NPHP3: variants seen among roughly 807,000 people sequenced by gnomAD.
NPHP3 encodes nephrocystin-3.
In NPHP3, 123 loss-of-function variants were observed where a neutral mutation model predicts 171.9. That is an observed-to-expected ratio of 0.72 (90% CI 0.62 to 0.83). The LOEUF (loss-of-function observed/expected upper bound fraction) is 0.83, where lower values mean the gene tolerates loss of function less well. Ranked by LOEUF, NPHP3 falls within the 40% of genes least tolerant of loss-of-function variation. The probability of loss-of-function intolerance (pLI) is 0.00; values close to 1 mark genes in which losing one functional copy is unlikely to be tolerated. For missense variants in NPHP3, 1,506 were observed against 1,591.9 expected, an observed-to-expected ratio of 0.95 and a Z score of 0.92; for synonymous variants, 558 against 579.2, an observed-to-expected ratio of 0.96 and a Z score of 0.52.
At chr3:132,702,506 T>C (rs1269165006) in intron 9 of NPHP3, among the ~76,000 whole-genome samples, 1 of 152,204 alleles carries the variant, frequency 6.6e-6, no homozygotes, top group East Asian at 1.9e-4. Flanking sequence ...CCAAAATATC[T>C]TAGTACTTAT....
chr3:132,697,076 A>C (rs1939473070), intron 14 of NPHP3, among the ~76,000 whole-genome samples, 184 bp downstream of exon 14: 1 of 152,234 alleles, frequency 6.6e-6, no homozygotes, highest in Admixed American at 6.5e-5. Flanking sequence ...CTTAAGACCA[A>C]AATCTTTTTA....
intron 6 of NPHP3, among the ~76,000 whole-genome samples, chr3:132,711,626 A>C (rs1161187732): frequency 2.0e-5 from 3 of 152,168 alleles, no homozygotes; most frequent in Non-Finnish European, 4.4e-5. Flanking sequence ...CTTTAATGTA[A>C]AGAAAAAACA....
chr3:132,687,066 G>A, intron 22 of NPHP3, 85 bp downstream of exon 22: 2 of 687,254 alleles, frequency 2.9e-6, no homozygotes, highest in Non-Finnish European at 2.6e-6. Flanking sequence ...AAAATCTAAA[G>A]CTCTTAAACA....
At position 132,688,688 on chromosome 3, in the gene NPHP3, T is replaced by C; in HGVS notation, c.3087A>G (p.Glu1029=). Residue 1029 remains glutamate (E), a synonymous_variant, in exon 21 of 27, where the codon GAA becomes GAG. Coordinates refer to ENST00000337331, the MANE Select transcript of NPHP3 (RefSeq NM_153240.5). The part of the protein sequence containing the change: ...YGADHPYTAR[E]LEALATLYQK... ...GGTACAAAGTTGCAAGTGCTTCAAG[T>C]TCACGAGCAGTATATGGATGGTCCG... The C allele has an allele frequency of 6.2e-7, 1 of 1,614,138 alleles. No individual in the cohort carries two copies. The highest frequency in any genetic ancestry group is 2.2e-5 in the East Asian group (1 of 44,886).
intron 17 of NPHP3, 118 bp from the exon 18 acceptor site, chr3:132,691,404 T>C (rs1393604411): frequency 2.7e-6 from 2 of 734,748 alleles, no homozygotes; most frequent in Non-Finnish European, 4.8e-6. Flanking sequence ...ATAATAGAAA[T>C]GTCACTTAAA....
chr3:132,687,798 TGATA>T (rs1939199694), intron 21 of NPHP3, among the ~76,000 whole-genome samples: 1 of 152,236 alleles, frequency 6.6e-6, no homozygotes, highest in South Asian at 2.1e-4. Flanking sequence ...ATTGGGTGCC[TGATA>T]GATAAGAAAG....
rs752267872 is a variant in NPHP3, at chr3:132,722,093, G to A, written c.263C>T (p.Ala88Val). 1.8e-5 allele frequency: 29 copies of A among 1,609,490 alleles called. No individual in the cohort carries two copies. The highest frequency in any genetic ancestry group is 2.5e-5 in the Non-Finnish European group (29 of 1,179,806). ...GSSVPELEYA[A>V]AEYERLRKEY... Reference sequence around the variant, plus strand: ...CTTCCTGAGCCGCTCGTACTCGGCCGCCGCGTACTCCAGCTCTGGCACCGA... The same window carrying A: ...CTTCCTGAGCCGCTCGTACTCGGCCACCGCGTACTCCAGCTCTGGCACCGA... Residue 88 changes from alanine to valine, a missense_variant, in exon 1 of 27, where the codon GCG becomes GTG. Coordinates refer to ENST00000337331, the MANE Select transcript of NPHP3 (RefSeq NM_153240.5).
At chr3:132,698,215 C>G (rs1157772755) in intron 13 of NPHP3, among the ~76,000 whole-genome samples, 4 of 151,526 alleles carry the variant, frequency 2.6e-5, no homozygotes, top group African/African-American at 9.7e-5. Flanking sequence ...TCCTGACCTC[C>G]CGATCCACCC....
intron 13 of NPHP3, among the ~76,000 whole-genome samples, chr3:132,697,898 G>A (rs1939497795): frequency 1.3e-5 from 2 of 151,916 alleles, no homozygotes; most frequent in South Asian, 4.2e-4. Context: ...CTTGGGGGAG[G>A]CAATTACAAA....
rs528853799 is a variant in NPHP3, at chr3:132,696,964, C to T, written c.2089-151G>A. The T allele has an allele frequency of 4.5e-4, 329 of 735,990 alleles. 6 individuals are homozygous for T. In the South Asian group the frequency reaches 4.6e-3, roughly 10 times the overall value. 45.6% of individuals were successfully genotyped at this position (735,990 alleles called of 1,614,324 possible). On this transcript the variant is annotated intron_variant, in intron 14 of 26. Coordinates refer to ENST00000337331, the MANE Select transcript of NPHP3 (RefSeq NM_153240.5). ...ATCACAACATGCAGTGGTGGCTCCT[C>T]GGCTGTGGGCAGCCTTCCAACTGCA...
intron 16 of NPHP3, chr3:132,693,701 A>C (rs1033435140): frequency 3.3e-5 from 5 of 152,136 alleles, no homozygotes; most frequent in African/African-American, 1.2e-4. Flanking sequence ...GTGAAACCCC[A>C]TCTCTACTAA....
chr3:132,717,894 A>T, intron 3 of NPHP3: 2 of 258,256 alleles, frequency 7.7e-6, no homozygotes, highest in South Asian at 7.1e-5. Context: ...AGTAGCTGGG[A>T]CTACAGGCAC....
chr3:132,694,502 T>G (rs1939394768), intron 16 of NPHP3, among the ~76,000 whole-genome samples: 1 of 152,010 alleles, frequency 6.6e-6, no homozygotes, highest in Non-Finnish European at 1.5e-5. Context: ...TTGCAAATTT[T>G]CTAATAAAGG....
intron 6 of NPHP3, 104 bp from the exon 7 acceptor site, chr3:132,708,361 T>A: frequency 8.6e-7 from 1 of 1,163,610 alleles, no homozygotes. Context: ...CAGTGACAAG[T>A]GGCCAGAAAA....
intron 16 of NPHP3, 86 bp from the exon 17 acceptor site, chr3:132,692,904 G>T: frequency 1.8e-6 from 2 of 1,119,178 alleles, no homozygotes; most frequent in South Asian, 1.4e-5. Context: ...TTCTTTTAAG[G>T]CTATTTCTTT....
chr3:132,697,488 C>T, intron 13 of NPHP3, 126 bp from the exon 14 acceptor site: 2 of 658,618 alleles, frequency 3.0e-6, no homozygotes, highest in South Asian at 3.4e-5. Context: ...ATAAGCAAAA[C>T]TAATGTCTAT....
At chr3:132,706,867 A>T (rs1939770000) in intron 7 of NPHP3, among the ~76,000 whole-genome samples, 1 of 152,212 alleles carries the variant, frequency 6.6e-6, no homozygotes, top group Non-Finnish European at 1.5e-5. Context: ...AATAATTAAA[A>T]CAAAGAATGA....
intron 6 of NPHP3, among the ~76,000 whole-genome samples, chr3:132,710,325 G>A (rs920465450): frequency 3.4e-5 from 5 of 148,076 alleles, no homozygotes; most frequent in Non-Finnish European, 5.9e-5. Flanking sequence ...ATTCTATAAC[G>A]AAACTCTATA....
chr3:132,716,631 T>C (rs1258757642), intron 4 of NPHP3, 126 bp downstream of exon 4: 32 of 1,016,400 alleles, frequency 3.1e-5, no homozygotes, highest in Non-Finnish European at 4.9e-5. Flanking sequence ...TGATGGTTTG[T>C]CAATGGAAAG....
Sources: allele counts gnomAD v4.1 joint callset (sites outside exome capture counted in the v4.1 genomes callset), GRCh38; gene constraint gnomAD v4.1.1; transcripts MANE v1.5; gene names NCBI Gene and HGNC (gene_info 2026-07-23, HGNC 2026-07-21).